HTR3A: variants seen among roughly 807,000 people sequenced by gnomAD.
HTR3A encodes the protein 5-hydroxytryptamine receptor 3A.
A neutral mutation model predicts 54.8 loss-of-function variants in HTR3A; 45 were observed. The ratio of observed to expected loss-of-function variants is 0.82; its 90% CI spans 0.65 to 1.05. The LOEUF is 1.05. Ranked by LOEUF, HTR3A falls within the 50% of genes least tolerant of loss-of-function variation. The probability of loss-of-function intolerance (pLI) is 0.00; values close to 1 mark genes in which losing one functional copy is unlikely to be tolerated. For missense variants in HTR3A, 657 were observed against 614.0 expected (o/e 1.07, Z -0.74); for synonymous variants, 297 against 256.0 (o/e 1.16, Z -1.53).
intron 2 of HTR3A, 78 bp from the exon 3 acceptor site, chr11:113,979,155 C>A (rs1950390406): frequency 8.9e-7 from 1 of 1,125,442 alleles, no homozygotes; most frequent in Non-Finnish European, 1.4e-6. Flanking sequence ...AAGGAAGCCC[C>A]TCCTTTAGGG....
At chr11:113,987,997 A>G (rs1950512221) in intron 8 of HTR3A, among the ~76,000 whole-genome samples, 1 of 152,196 alleles carries the variant, frequency 6.6e-6, no homozygotes, top group African/African-American at 2.4e-5. Context: ...CATTTTTCCA[A>G]TAAGGAAGCA....
chr11:113,975,220 G>A lies in HTR3A; in HGVS notation c.-106G>A. ...CAGAAGGTGTGAGCAGTGGCCACGA[G>A]AGGCAGGCTGGCTGGGACATGAGGT... is the stretch of plus-strand genomic sequence containing the variant. On this transcript the variant is annotated 5_prime_UTR_variant, in exon 1 of 9. Coordinates refer to ENST00000504030, the MANE Select transcript of HTR3A (RefSeq NM_000869.6). 1.8e-6 allele frequency: 2 copies of A among 1,091,700 alleles called. No individual in the cohort carries two copies. The highest frequency in any genetic ancestry group is 1.5e-5 in the African/African-American group (1 of 64,940). The allele number at this position is 1,091,700 out of a possible 1,614,324, so 67.6% of individuals were successfully genotyped here.
rs1436890095 is a variant in HTR3A at position 113,989,756 on chromosome 11, A to G, written c.1430A>G (p.Tyr477Cys). 3.7e-6 allele frequency: 6 copies of G among 1,610,476 alleles called. No individual in the cohort carries two copies. Among genetic ancestry groups the G allele is most frequent in the Non-Finnish European group, 5.1e-6 (6 of 1,180,020 alleles). The change falls in exon 9 of 9, where the codon TAC becomes TGC. Residue 477 changes from tyrosine to cysteine, a missense_variant. Physicochemically the swap from Tyr to Cys is radical, Grantham distance 194 (BLOSUM62 -2). Coordinates refer to ENST00000504030, the MANE Select transcript of HTR3A (RefSeq NM_000869.6). The surrounding 1 kb of genome is among the most constrained non-coding windows in gnomAD (Gnocchi z 4.4). ...TLVMLWSIWQ[Y>C]A ...GTTATGCTCTGGTCCATCTGGCAGT[A>G]CGCTTGAGTGGGTACAGCCCAGTGG...
chr11:113,980,199 G>A (rs1950405151), intron 3 of HTR3A, among the ~76,000 whole-genome samples: 1 of 152,206 alleles, frequency 6.6e-6, no homozygotes, highest in Non-Finnish European at 1.5e-5. Flanking sequence ...CTCACCTCTG[G>A]AGCTCTAGGG....
chr11:113,982,395 G>A lies in HTR3A; in HGVS notation c.375-725G>A, dbSNP rs559636464. Among the ~76,000 whole-genome samples the A allele has an allele frequency of 2.2e-4, 33 of 152,296 alleles. 1 individual carries two copies. Among genetic ancestry groups the A allele is most frequent in the Admixed American group, 2.2e-3 (33 of 15,300 alleles). On this transcript the variant is annotated intron_variant, in intron 4 of 8. Transcript: ENST00000504030. Reference sequence around the variant, plus strand: ...CACCATCCTCTACATAGCTCAGGCTGGAGGGCTCTGGGAAATCCCAGTTTC... The same window carrying A: ...CACCATCCTCTACATAGCTCAGGCTAGAGGGCTCTGGGAAATCCCAGTTTC...
In HTR3A at chr11:113,989,602, C is replaced by T. The variant is rs746831662; in HGVS notation, c.1276C>T (p.Arg426Trp). The change falls in exon 9 of 9, where the codon CGG becomes TGG. Residue 426 changes from arginine (R) to tryptophan (W), a missense_variant. Physicochemically the swap from Arg to Trp is moderately radical, Grantham distance 101. Coordinates refer to ENST00000504030, the MANE Select transcript of HTR3A (RefSeq NM_000869.6). The surrounding 1 kb of genome is among the most constrained non-coding windows in gnomAD (Gnocchi z 4.4). ...GCTGCTGCAGGAGCTGTCCTCCATC[C>T]GGCAATTCCTGGAAAAGCGGGATGA... ...CGLLQELSSIRQFLEKRDEIR... is the reference protein window; with the variant it reads ...CGLLQELSSIWQFLEKRDEIR... 1.8e-5 allele frequency: 29 copies of T among 1,614,076 alleles called. No individual in the cohort carries two copies. The highest frequency in any genetic ancestry group is 1.1e-4 in the South Asian group (10 of 91,084).
chr11:113,979,259 C>G lies in HTR3A; in HGVS notation c.246C>G (p.Thr82=). The G allele has an allele frequency of 6.2e-7, 1 of 1,612,982 alleles. No homozygotes were observed. ...NVDEKNQVLT[T]YIWYRQYWTD... ...ATGAGAAGAATCAGGTGCTGACCACCTACATCTGGTACCGGCAGGTGAGCA... is the reference window on the plus strand; with the variant it reads ...ATGAGAAGAATCAGGTGCTGACCACGTACATCTGGTACCGGCAGGTGAGCA... The change falls in exon 3 of 9, where the codon ACC becomes ACG. Residue 82 remains threonine (T), a synonymous_variant. Transcript: ENST00000504030.
chr11:113,987,120 G>A, intron 8 of HTR3A, 74 bp downstream of exon 8: 2 of 1,494,816 alleles, frequency 1.3e-6, no homozygotes, highest in Non-Finnish European at 9.2e-7. Context: ...TCTCTGGAGG[G>A]CGTGGCCTGC....
Position 113,986,546 on chromosome 11 carries a change from A to G in HTR3A, c.734A>G (p.Tyr245Cys), listed in dbSNP as rs777896550. ...GTCATCCGCCGGCGGCCCCTCTTCT[A>G]TGTGGTCAGCCTGCTACTGCCCAGC... Reference protein sequence around the residue: ...YVVIRRRPLFYVVSLLLPSIF... With the variant: ...YVVIRRRPLFCVVSLLLPSIF... Residue 245 changes from tyrosine (Y) to cysteine (C), a missense_variant, in exon 7 of 9, where the codon TAT becomes TGT. Tyr to Cys is a radical substitution (Grantham distance 194). Coordinates refer to ENST00000504030, the MANE Select transcript of HTR3A (RefSeq NM_000869.6). 5 of 1,612,754 alleles carry G rather than the reference A, an allele frequency of 3.1e-6. No individual in the cohort carries two copies. The African/African-American group carries it at 4.0e-5, about 13-fold the overall frequency.
At position 113,975,174 on chromosome 11, in the gene HTR3A, G is replaced by A. The variant is rs780132437; in HGVS notation, c.-152G>A. 1.1e-5 allele frequency: 8 copies of A among 740,224 alleles called. No individual in the cohort carries two copies. Among genetic ancestry groups the A allele is most frequent in the Non-Finnish European group, 1.9e-5 (8 of 419,182 alleles). 45.9% of individuals were successfully genotyped at this position (740,224 alleles called of 1,614,324 possible). A position where few individuals can be genotyped will look rare whatever the true frequency, so the allele number is the denominator to read the frequency against. On this transcript the variant is annotated 5_prime_UTR_variant, in exon 1 of 9. Transcript: ENST00000504030. ...GCAGCTCCCCAACCTTGGTGGCCCA[G>A]GGAGTGTGAGGCTGCAGCCTCAGAA...
In HTR3A at chr11:113,989,879, A is replaced by G. The variant is rs779216174; in HGVS notation, c.*116A>G. ...CAGGGACATTTTCAAGACACAGACA[A>G]AGTCCCGTGCCCTGTTTCCAATGCC... is the stretch of plus-strand genomic sequence containing the variant. On this transcript the variant is annotated 3_prime_UTR_variant, in exon 9 of 9. Transcript: ENST00000504030. This position sits in a 1 kb window ranked among gnomAD's most constrained non-coding sequence, Gnocchi z 4.4. 2.6e-6 allele frequency: 3 copies of G among 1,153,762 alleles called. No individual in the cohort carries two copies. Among genetic ancestry groups the G allele is most frequent in the South Asian group, 2.5e-5 (2 of 80,254 alleles). The allele number at this position is 1,153,762 out of a possible 1,614,324, so 71.5% of individuals were successfully genotyped here.
At chr11:113,980,549 G>A (rs1950409289) in intron 3 of HTR3A, among the ~76,000 whole-genome samples, 1 of 152,240 alleles carries the variant, frequency 6.6e-6, no homozygotes, top group Non-Finnish European at 1.5e-5. Flanking sequence ...AAGAAGATAG[G>A]GGAGAGGGAG....
At position 113,977,530 on chromosome 11, in the gene HTR3A, C is replaced by G. The variant is rs1378423265; in HGVS notation, c.68-241C>G. ...TCTTGTGCCACTTGCTCTTCCAAGC[C>G]AGATCTCTGCTTTCCTGTCAATGAA... On this transcript the variant is annotated intron_variant, in intron 1 of 8. Coordinates refer to ENST00000504030, the MANE Select transcript of HTR3A (RefSeq NM_000869.6). 3 of 1,551,054 alleles carry G rather than the reference C, an allele frequency of 1.9e-6. No homozygotes were observed. In the African/African-American group the frequency reaches 4.1e-5, roughly 21 times the overall value.
rs970815299 is a variant in HTR3A at position 113,990,193 on chromosome 11, C to T, written c.*430C>T. On this transcript the variant is annotated 3_prime_UTR_variant, in exon 9 of 9. Coordinates refer to ENST00000504030, the MANE Select transcript of HTR3A (RefSeq NM_000869.6). ...ACTACACAGGCCTGATAACTCTGTACGAGGCTTCTCTAACCCCTAGTGTCT... is the reference window on the plus strand; with the variant it reads ...ACTACACAGGCCTGATAACTCTGTATGAGGCTTCTCTAACCCCTAGTGTCT... The T allele has an allele frequency of 2.4e-5, 11 of 456,508 alleles. No homozygotes were observed. The highest frequency in any genetic ancestry group is 1.8e-4 in the African/African-American group (9 of 50,120). The allele number at this position is 456,508 out of a possible 1,614,324, so 28.3% of individuals were successfully genotyped here.
At chr11:113,981,416 C>A (rs1367494017) in intron 4 of HTR3A, 104 bp downstream of exon 4, 1 of 747,598 alleles carries the variant, frequency 1.3e-6, no homozygotes, top group African/African-American at 1.7e-5. Flanking sequence ...GATGTCCCAC[C>A]AGGAATTGCA....
rs35815285 is a variant in HTR3A, at chr11:113,986,939, G to T, written c.1031G>T (p.Arg344Leu). ...CAGCAGCCCGTGCCTGCTTGGCTGC[G>T]TCACCTGGTTCTGGAGAGAATCGCC... The part of the protein sequence containing the change: ...DLQQPVPAWL[R>L]HLVLERIAWL... Residue 344 changes from arginine to leucine, a missense_variant, in exon 8 of 9, where the codon CGT becomes CTT. Transcript: ENST00000504030. 1.9e-5 allele frequency: 31 copies of T among 1,614,114 alleles called. No individual in the cohort carries two copies. The highest frequency in any genetic ancestry group is 2.6e-5 in the Non-Finnish European group (31 of 1,180,022).
At position 113,982,975 on chromosome 11, in the gene HTR3A, C is replaced by T. The variant is rs1301055340; in HGVS notation, c.375-145C>T. ...GCCTAAGATAGGAAGGTTGGAAAAA[C>T]CGAGGCCAGGCAAAACATCCAGGTT... On this transcript the variant is annotated intron_variant, in intron 4 of 8. Coordinates refer to ENST00000504030, the MANE Select transcript of HTR3A (RefSeq NM_000869.6). The T allele has an allele frequency of 3.2e-5, 29 of 895,750 alleles. No homozygotes were observed. In the East Asian group the frequency reaches 7.3e-4, roughly 22 times the overall value. 55.5% of individuals were successfully genotyped at this position (895,750 alleles called of 1,614,324 possible).
At position 113,989,688 on chromosome 11, in the gene HTR3A, C is replaced by T; in HGVS notation, c.1362C>T (p.Phe454=). The change falls in exon 9 of 9, where the codon TTC becomes TTT. Residue 454 remains phenylalanine, a synonymous_variant. Transcript: ENST00000504030. The surrounding 1 kb of genome is among the most constrained non-coding windows in gnomAD (Gnocchi z 4.4). The part of the protein sequence containing the change: ...RVGSVLDKLL[F]HIYLLAVLAY... ...GCTCCGTGCTGGACAAGCTGCTATT[C>T]CACATTTACCTGCTAGCGGTGCTGG... is the stretch of plus-strand genomic sequence containing the variant. 1 of 1,614,134 alleles carries T rather than the reference C, an allele frequency of 6.2e-7. No individual in the cohort carries two copies. Among genetic ancestry groups the T allele is most frequent in the Non-Finnish European group, 8.5e-7 (1 of 1,180,018 alleles).
Position 113,989,696 on chromosome 11 carries a change from A to G in HTR3A, c.1370A>G (p.Tyr457Cys), listed in dbSNP as rs1950529395. Reference protein sequence around the residue: ...SVLDKLLFHIYLLAVLAYSIT... With the variant: ...SVLDKLLFHICLLAVLAYSIT... ...CTGGACAAGCTGCTATTCCACATTT[A>G]CCTGCTAGCGGTGCTGGCCTACAGC... Residue 457 changes from tyrosine (Y) to cysteine (C), a missense_variant, in exon 9 of 9, where the codon TAC (tyrosine) becomes TGC (cysteine). Tyr to Cys is a radical substitution (Grantham distance 194). Transcript: ENST00000504030. The surrounding 1 kb of genome is among the most constrained non-coding windows in gnomAD (Gnocchi z 4.4). 1 of 1,613,856 alleles carries G rather than the reference A, an allele frequency of 6.2e-7. No individual in the cohort carries two copies. The highest frequency in any genetic ancestry group is 1.7e-5 in the Admixed American group (1 of 59,990).
Sources: gnomAD v4.1 joint callset for allele counts (sites outside exome capture counted in the v4.1 genomes callset) on GRCh38, gnomAD v4.1.1 for gene constraint, Gnocchi (gnomAD v3.1) non-coding constraint, MANE v1.5 for transcripts, NCBI Gene and HGNC (gene_info 2026-07-23, HGNC 2026-07-21) for gene names.